CASKIN1: variants seen among roughly 807,000 people sequenced by gnomAD.
CASKIN1 encodes CASK interacting protein 1.
CASKIN1 carries 42 observed loss-of-function variants against 117.5 expected under a neutral mutation model. The ratio of observed to expected loss-of-function variants is 0.36; its 90% confidence interval spans 0.28 to 0.46. CASKIN1 has a LOEUF of 0.46. Among genes scored for constraint, CASKIN1 ranks in the 20% least tolerant of loss-of-function variants. The pLI is 1.00. For synonymous variants in CASKIN1, 1,148 were observed against 961.7 expected (o/e 1.19, Z -3.59); for missense variants, 2,083 against 2,077.3 (o/e 1.00, Z -0.05).
At position 2,181,416 on chromosome 16, in the gene CASKIN1, G is replaced by A. The variant is rs750636833; in HGVS notation, c.1952C>T (p.Thr651Ile). ...PADCQSPKMT[T>I]FQDSELSDEL... is the part of the protein sequence containing the mutation. ...GTCACTGAGCTCGCTGTCCTGGAAGGTGGTCATTTTAGGGGACTGGCAGTC... is the reference window on the plus strand; with the variant it reads ...GTCACTGAGCTCGCTGTCCTGGAAGATGGTCATTTTAGGGGACTGGCAGTC... The change falls in exon 18 of 20, where the codon ACC becomes ATC. Residue 651 changes from threonine (T) to isoleucine (I), a missense_variant. Coordinates refer to ENST00000343516, the MANE Select transcript of CASKIN1 (RefSeq NM_020764.4). The A allele has an allele frequency of 6.2e-7, 1 of 1,612,230 alleles. No individual in the cohort carries two copies. The highest frequency in any genetic ancestry group is 1.3e-5 in the African/African-American group (1 of 75,032).
At chr16:2,189,960 A>T (rs2093196489) in intron 3 of CASKIN1, 113 bp downstream of exon 3, 1 of 1,027,966 alleles carries the variant, frequency 9.7e-7, no homozygotes, top group South Asian at 1.5e-5. Flanking sequence ...ACCTGCCTGA[A>T]ATCAGACTGA....
rs1450644413 is a variant in CASKIN1, at chr16:2,187,200, G to A, written c.801C>T (p.Ser267=). Residue 267 remains serine, a synonymous_variant, in exon 8 of 20, where the codon TCC becomes TCT. Transcript: ENST00000343516. ...ALDIVHQFTT[S]QASREIKQLL... ...GCTGCTTGATCTCCCTGCTGGCCTG[G>A]GACGTGGTGAACTGGTGCACGATGT... The A allele has an allele frequency of 6.2e-7, 1 of 1,614,024 alleles. No individual in the cohort carries two copies.
chr16:2,186,284 G>A (rs114703250), intron 10 of CASKIN1, among the ~76,000 whole-genome samples: 199 of 152,210 alleles, frequency 1.3e-3, no homozygotes, highest in African/African-American at 3.4e-3. Context: ...GGCTTTTAAC[G>A]CACGGCTCCT....
In CASKIN1 at chr16:2,188,895, G is replaced by A. The variant is rs146065443; in HGVS notation, c.617+132C>T. The A allele has an allele frequency of 2.2e-4, 284 of 1,317,944 alleles. No homozygotes were observed. The African/African-American group carries it at 3.7e-3, about 17-fold the overall frequency. 81.6% of individuals were successfully genotyped at this position (1,317,944 alleles called of 1,614,324 possible). A position where few individuals can be genotyped will look rare whatever the true frequency, so the allele number is the denominator to read the frequency against. ...CATGGGCCCTGGAGGCCATGCCAGAGGCCTGACCAGGGACCTGGGACCCTG... is the reference window on the plus strand; with the variant it reads ...CATGGGCCCTGGAGGCCATGCCAGAAGCCTGACCAGGGACCTGGGACCCTG... On this transcript the variant is annotated intron_variant, in intron 6 of 19. Coordinates refer to ENST00000343516, the MANE Select transcript of CASKIN1 (RefSeq NM_020764.4).
At chr16:2,187,594 T>C in intron 6 of CASKIN1, 133 bp from the exon 7 acceptor site, 4 of 678,264 alleles carry the variant, frequency 5.9e-6, no homozygotes, top group Non-Finnish European at 7.6e-6. Context: ...CCCTGCCCCA[T>C]GTCTCTGACA....
chr16:2,186,003 A>G (rs139560219), intron 10 of CASKIN1, among the ~76,000 whole-genome samples: 1 of 151,886 alleles, frequency 6.6e-6, no homozygotes, highest in Admixed American at 6.6e-5. Context: ...TTTTTTTGAG[A>G]CAGGGTCTTG....
chr16:2,193,362 A>T (rs111587385), intron 1 of CASKIN1, among the ~76,000 whole-genome samples: 1,758 of 152,270 alleles, frequency 0.012, 36 homozygotes, highest in African/African-American at 0.04. Context: ...TACATTTTGC[A>T]TGGGGACCTG....
Position 2,181,158 on chromosome 16 carries a change from G to A in CASKIN1, c.2210C>T (p.Thr737Ile), listed in dbSNP as rs1407570873. The change falls in exon 18 of 20, where the codon ACC (threonine) becomes ATC (isoleucine). Residue 737 changes from threonine (T) to isoleucine (I), a missense_variant. By Grantham distance (89) the Thr-to-Ile change is moderately conservative. Transcript: ENST00000343516. The stretch of plus-strand genomic sequence containing the variant: ...GCCGGGCCGGGCCTCCCTGGGCGGG[G>A]TGCCGGGGGCGGGGCCCTCATCCAG... ...YLLDEGPAPGTPPREARPGRH... is the reference protein window; with the variant it reads ...YLLDEGPAPGIPPREARPGRH... 2 of 1,497,922 alleles carry A rather than the reference G, an allele frequency of 1.3e-6. No homozygotes were observed. Among genetic ancestry groups the A allele is most frequent in the East Asian group, 2.3e-5 (1 of 42,724 alleles). 92.8% of individuals were successfully genotyped at this position (1,497,922 alleles called of 1,614,324 possible). A position where few individuals can be genotyped will look rare whatever the true frequency, so the allele number is the denominator to read the frequency against.
Position 2,178,600 on chromosome 16 carries a change from C to T in CASKIN1, c.4246G>A (p.Gly1416Ser), listed in dbSNP as rs779937875. 1.9e-6 allele frequency: 3 copies of T among 1,597,578 alleles called. No individual in the cohort carries two copies. The highest frequency in any genetic ancestry group is 1.4e-5 in the African/African-American group (1 of 73,368). Reference sequence around the variant, plus strand: ...TCGGCCAGGTCGTCGAACATGCTGCCGATGTCGTCCAGGATGCTGCCAGTG... The same window carrying T: ...TCGGCCAGGTCGTCGAACATGCTGCTGATGTCGTCCAGGATGCTGCCAGTG... ...KSTGSILDDI[G>S]SMFDDLADQL... The change falls in exon 20 of 20, where the codon GGC (glycine) becomes AGC (serine). Residue 1416 changes from glycine to serine, a missense_variant. Coordinates refer to ENST00000343516, the MANE Select transcript of CASKIN1 (RefSeq NM_020764.4).
Position 2,196,395 on chromosome 16 carries a change from G to A in CASKIN1, c.38C>T (p.Ala13Val). 5.1e-6 allele frequency: 7 copies of A among 1,368,394 alleles called. No homozygotes were observed. The highest frequency in any genetic ancestry group is 4.2e-5 in the South Asian group (3 of 71,490). 84.8% of individuals were successfully genotyped at this position (1,368,394 alleles called of 1,614,324 possible). ...CCTCTGCGCGGTCCCTACGTCCTCC[G>A]CCTTCACCGCCTGCACCAGCTCCTG... ...KEQELVQAVK[A>V]EDVGTAQRLL... The change falls in exon 1 of 20, where the codon GCG (alanine) becomes GTG (valine). Residue 13 changes from alanine (A) to valine (V), a missense_variant. Ala to Val is a moderately conservative substitution (Grantham distance 64). Around this residue, in one of 3 missense-constraint regions of CASKIN1, gnomAD observed 62 missense variants for 49.7 expected, o/e 1.25. Coordinates refer to ENST00000343516, the MANE Select transcript of CASKIN1 (RefSeq NM_020764.4). This position sits in a 1 kb window ranked among gnomAD's most constrained non-coding sequence, Gnocchi z 5.7.
chr16:2,189,902 C>T (rs1197927228), intron 3 of CASKIN1, among the ~76,000 whole-genome samples, 171 bp downstream of exon 3: 1 of 152,038 alleles, frequency 6.6e-6, no homozygotes, highest in Non-Finnish European at 1.5e-5. Context: ...GGAGCTGACC[C>T]CTCACCCCAG....
Position 2,187,193 on chromosome 16 carries a change from TG to T in CASKIN1, c.807del (p.Ser270AlafsTer29), listed in dbSNP as rs1222007659. The T allele has an allele frequency of 6.2e-7, 1 of 1,613,906 alleles. No individual in the cohort carries two copies. Among genetic ancestry groups the T allele is most frequent in the Non-Finnish European group, 8.5e-7 (1 of 1,179,982 alleles). ...DIVHQFTTSQ[A>X]SREIKQLLRE... ...CGCAACAGCTGCTTGATCTCCCTGCTGGCCTGGGACGTGGTGAACTGGTGCA... is the reference window on the plus strand; with the variant it reads ...CGCAACAGCTGCTTGATCTCCCTGCTGCCTGGGACGTGGTGAACTGGTGCA... On this transcript the variant is annotated frameshift_variant, in exon 8 of 20. Transcript: ENST00000343516. LOFTEE classifies it high-confidence loss of function.
At chr16:2,190,020 C>T in intron 3 of CASKIN1, 53 bp downstream of exon 3, 1 of 1,475,706 alleles carries the variant, frequency 6.8e-7, no homozygotes, top group Non-Finnish European at 9.4e-7. Context: ...CCTGGGGAGC[C>T]CCCCTCGCTG....
intron 6 of CASKIN1, among the ~76,000 whole-genome samples, chr16:2,188,112 C>G (rs1482479674): frequency 1.4e-5 from 2 of 148,104 alleles, no homozygotes; most frequent in African/African-American, 2.5e-5. Context: ...CCAGGCTGGT[C>G]TCAAATTCCT....
Position 2,181,328 on chromosome 16 carries a change from G to A in CASKIN1, c.2040C>T (p.Ser680=). The change falls in exon 18 of 20, where the codon AGC becomes AGT. Residue 680 remains serine (S), a synonymous_variant. Transcript: ENST00000343516. ...EVGPTTEKPS[S]HLPPTPRATT... ...TGGCCCTCGGGGTGGGTGGCAGGTG[G>A]CTGGAGGGCTTCTCAGTGGTGGGCC... 6.2e-7 allele frequency: 1 copy of A among 1,605,856 alleles called. No individual in the cohort carries two copies. Among genetic ancestry groups the A allele is most frequent in the Non-Finnish European group, 8.5e-7 (1 of 1,178,616 alleles).
chr16:2,187,007 G>A lies in CASKIN1; in HGVS notation c.901C>T (p.Leu301Phe), dbSNP rs2093186851. 2 of 1,613,636 alleles carry A rather than the reference G, an allele frequency of 1.2e-6. No homozygotes were observed. Among genetic ancestry groups the A allele is most frequent in the African/African-American group, 2.7e-5 (2 of 74,882 alleles). ...DYCNNYDLTS[L>F]NVKAGDIITV... ...ATGATGTCCCCTGCCTTCACGTTGA[G>A]GCTGGTCAGGTCGTAATTGTTGCAA... The change falls in exon 9 of 20, where the codon CTC becomes TTC. Residue 301 changes from leucine (L) to phenylalanine (F), a missense_variant. Leu to Phe is a conservative substitution (Grantham distance 22). This residue lies in a region of CASKIN1 where 1,818 missense variants were observed against 1,688.9 expected (regional missense o/e 1.08). Transcript: ENST00000343516.
In CASKIN1 at chr16:2,179,746, G is replaced by T; in HGVS notation, c.3622C>A (p.Leu1208Ile). The change falls in exon 18 of 20, where the codon CTA becomes ATA. Residue 1208 changes from leucine to isoleucine, a missense_variant. Transcript: ENST00000343516. The surrounding 1 kb of genome is among the most constrained non-coding windows in gnomAD (Gnocchi z 5.8). Reference sequence around the variant, plus strand: ...CCCTCGGGCGGGGGCAATGGGGGTAGGTGCGCCAGGTCGGTGGGCGGGGGT... The same window carrying T: ...CCCTCGGGCGGGGGCAATGGGGGTATGTGCGCCAGGTCGGTGGGCGGGGGT... ...AEPPPTDLAH[L>I]PPLPPPEGEA... 6.4e-7 allele frequency: 1 copy of T among 1,558,830 alleles called. No homozygotes were observed. The highest frequency in any genetic ancestry group is 8.6e-7 in the Non-Finnish European group (1 of 1,157,952).
intron 2 of CASKIN1, 40 bp from the exon 3 acceptor site, chr16:2,190,210 GC>G: frequency 6.2e-7 from 1 of 1,606,892 alleles, no homozygotes; most frequent in Non-Finnish European, 8.5e-7. Flanking sequence ...AGGCCCTGGC[GC>G]CCCGGCCTTC....
Position 2,178,115 on chromosome 16 carries a change from ACTCT to A in CASKIN1, c.*431_*434del. ...CTCAGCTCATTCCCAATAAATTAATACTCTTGATAGCTTATATTCTGGGGGTGCG... is the reference window on the plus strand; with the variant it reads ...CTCAGCTCATTCCCAATAAATTAATATGATAGCTTATATTCTGGGGGTGCG... On this transcript the variant is annotated 3_prime_UTR_variant, in exon 20 of 20. Coordinates refer to ENST00000343516, the MANE Select transcript of CASKIN1 (RefSeq NM_020764.4). 4.0e-6 allele frequency: 2 copies of A among 501,838 alleles called. No homozygotes were observed. The highest frequency in any genetic ancestry group is 7.7e-6 in the Non-Finnish European group (2 of 258,530). The allele number at this position is 501,838 out of a possible 1,614,324, so 31.1% of individuals were successfully genotyped here.
Sources: gnomAD v4.1 joint callset for allele counts (sites outside exome capture counted in the v4.1 genomes callset) on GRCh38, gnomAD v4.1.1 for gene constraint, gnomAD v4.1.1 regional missense constraint, Gnocchi (gnomAD v3.1) non-coding constraint, MANE v1.5 for transcripts, NCBI Gene and HGNC (gene_info 2026-07-23, HGNC 2026-07-21) for gene names.